Variants in ARHGEF28 observed in about 807,000 individuals in gnomAD.
ARHGEF28 encodes the protein Rho guanine nucleotide exchange factor 28.
In ARHGEF28, 152 loss-of-function variants were observed where a neutral mutation model predicts 206.6. That is an observed-to-expected ratio of 0.74 (90% CI 0.64 to 0.84). The LOEUF is 0.84. ARHGEF28 is among the 40% of genes least tolerant of loss of function. The pLI, the probability that ARHGEF28 is intolerant of heterozygous loss-of-function variation, is 0.00. For missense variants in ARHGEF28, 2,028 were observed against 2,073.2 expected (o/e 0.98, Z 0.42); for synonymous variants, 763 against 776.4 (o/e 0.98, Z 0.29).
chr5:73,796,975 C>T (rs1040538801), intron 9 of ARHGEF28, among the ~76,000 whole-genome samples: 2 of 152,288 alleles, frequency 1.3e-5, no homozygotes, highest in South Asian at 4.1e-4. Flanking sequence ...GTATTAAACA[C>T]TGAGACGATC....
intron 7 of ARHGEF28, among the ~76,000 whole-genome samples, chr5:73,786,021 A>G (rs535593089): frequency 9.4e-5 from 14 of 148,900 alleles, no homozygotes; most frequent in Non-Finnish European, 1.8e-4. Context: ...TTGACTGCCC[A>G]TCACTTTATA....
intron 2 of ARHGEF28, among the ~76,000 whole-genome samples, chr5:73,731,819 A>T (rs1390136248): frequency 6.6e-6 from 1 of 152,112 alleles, no homozygotes. Flanking sequence ...TTATTATGTA[A>T]ACAGTTATTT....
At chr5:73,761,944 C>G (rs1439145981) in intron 4 of ARHGEF28, among the ~76,000 whole-genome samples, 4 of 151,618 alleles carry the variant, frequency 2.6e-5, no homozygotes, top group Admixed American at 2.0e-4. Context: ...GATTCTCTTT[C>G]CTCATCCTCC....
chr5:73,760,930 A>T (rs572633966), intron 4 of ARHGEF28, among the ~76,000 whole-genome samples: 3 of 152,306 alleles, frequency 2.0e-5, no homozygotes, highest in Admixed American at 6.5e-5. Context: ...GTCTGGCAAC[A>T]ATGGCCCTTA....
rs1194518767 is a variant in ARHGEF28 at position 73,892,041 on chromosome 5, A to G, written c.3388-11A>G. ...TGCTGTTTCATCTGCTCACCTTCCT[A>G]TTTTATGTAGGATCAGAAGCCATCA... is the stretch of plus-strand genomic sequence containing the variant. On this transcript the variant is annotated splice_polypyrimidine_tract_variant and intron_variant, in intron 26 of 35. Coordinates refer to ENST00000513042, the MANE Select transcript of ARHGEF28 (RefSeq NM_001177693.2). The G allele has an allele frequency of 1.3e-6, 2 of 1,593,618 alleles. No individual in the cohort carries two copies. The highest frequency in any genetic ancestry group is 2.2e-5 in the East Asian group (1 of 44,518).
At chr5:73,721,776 T>C (rs1023267317) in intron 2 of ARHGEF28, among the ~76,000 whole-genome samples, 1 of 152,152 alleles carries the variant, frequency 6.6e-6, no homozygotes, top group African/African-American at 2.4e-5. Flanking sequence ...GCCCTAGAGG[T>C]TTTATTTATT....
In ARHGEF28 at chr5:73,774,012, C is replaced by T; in HGVS notation, c.633C>T (p.His211=). 6.2e-7 allele frequency: 1 copy of T among 1,600,446 alleles called. No individual in the cohort carries two copies. The highest frequency in any genetic ancestry group is 8.5e-7 in the Non-Finnish European group (1 of 1,173,438). ...TPLDLALREG[H]SKLVEDVTNF... ...TAGACTTAGCTTTACGTGAAGGACACTCCAAGCTGGTGGAAGACGTCACAA... is the reference window on the plus strand; with the variant it reads ...TAGACTTAGCTTTACGTGAAGGACATTCCAAGCTGGTGGAAGACGTCACAA... The change falls in exon 5 of 36, where the codon CAC becomes CAT. Residue 211 remains histidine (H), a synonymous_variant. Transcript: ENST00000513042.
intron 9 of ARHGEF28, among the ~76,000 whole-genome samples, chr5:73,825,549 G>T (rs367842994): frequency 6.6e-6 from 1 of 152,166 alleles, no homozygotes; most frequent in Non-Finnish European, 1.5e-5. Flanking sequence ...ATTGGAGAAC[G>T]TTGCAGAGGC....
chr5:73,629,213 C>A (rs962199312), intron 1 of ARHGEF28, among the ~76,000 whole-genome samples: 2 of 151,940 alleles, frequency 1.3e-5, no homozygotes, highest in Non-Finnish European at 2.9e-5. Context: ...ATTTGGCTGG[C>A]CAGGGTGGGG....
chr5:73,838,537 G>C (rs1219416401), intron 10 of ARHGEF28, among the ~76,000 whole-genome samples: 1 of 152,082 alleles, frequency 6.6e-6, no homozygotes. Flanking sequence ...AAACACATTT[G>C]TTTCATAATT....
In ARHGEF28 at chr5:73,748,824, G is replaced by A. The variant is rs140880059; in HGVS notation, c.34-1013G>A. On this transcript the variant is annotated intron_variant, in intron 2 of 35. Coordinates refer to ENST00000513042, the MANE Select transcript of ARHGEF28 (RefSeq NM_001177693.2). The stretch of plus-strand genomic sequence containing the variant: ...GCTCTCTCTCTGGAGGCCCCACTTT[G>A]TATTGCTTTTTGTGTTTTCGGTAGG... Among the ~76,000 whole-genome samples, 754 of 152,252 alleles carry A rather than the reference G, an allele frequency of 5.0e-3. 6 individuals carry two copies. Among genetic ancestry groups the A allele is most frequent in the African/African-American group, 0.017 (711 of 41,550 alleles).
chr5:73,695,848 C>T (rs1217685659), intron 2 of ARHGEF28, among the ~76,000 whole-genome samples: 5 of 152,154 alleles, frequency 3.3e-5, no homozygotes, highest in South Asian at 2.1e-4. Context: ...ACATTCATCT[C>T]GCAACTCGCA....
intron 2 of ARHGEF28, among the ~76,000 whole-genome samples, chr5:73,738,579 G>A (rs768202800): frequency 2.0e-5 from 3 of 150,730 alleles, no homozygotes; most frequent in Admixed American, 1.3e-4. Flanking sequence ...GAATATTCTC[G>A]CACGGATGCT....
chr5:73,857,852 A>G (rs1056439533), intron 15 of ARHGEF28, 73 bp downstream of exon 15: 1 of 1,498,898 alleles, frequency 6.7e-7, no homozygotes, highest in Non-Finnish European at 9.0e-7. Flanking sequence ...TATAATTTCC[A>G]CTTTCCCTTT....
intron 24 of ARHGEF28, among the ~76,000 whole-genome samples, chr5:73,884,275 G>C (rs1424480213): frequency 6.6e-6 from 1 of 152,140 alleles, no homozygotes; most frequent in Non-Finnish European, 1.5e-5. Context: ...CTGTTATTAA[G>C]TTGAGAGGGA....
intron 7 of ARHGEF28, among the ~76,000 whole-genome samples, chr5:73,792,642 CTTT>C (rs397943639): frequency 1.6e-5 from 2 of 122,038 alleles, no homozygotes; most frequent in African/African-American, 3.1e-5. Context: ...TCCTTCCCTT[CTTT>C]TTTTTTTTTT....
intron 12 of ARHGEF28, among the ~76,000 whole-genome samples, chr5:73,846,724 T>C (rs2112589136): frequency 6.6e-6 from 1 of 152,316 alleles, no homozygotes; most frequent in South Asian, 2.1e-4. Context: ...CCATCTTTCT[T>C]TCACATACTT....
intron 16 of ARHGEF28, among the ~76,000 whole-genome samples, chr5:73,859,945 T>C (rs1172474815): frequency 6.6e-6 from 1 of 152,232 alleles, no homozygotes; most frequent in African/African-American, 2.4e-5. Context: ...CCTCTGTGCA[T>C]ACTGCTTAAC....
intron 31 of ARHGEF28, chr5:73,902,511 A>G (rs900384865): frequency 4.6e-5 from 7 of 152,112 alleles, no homozygotes; most frequent in African/African-American, 1.7e-4. Context: ...TATCTGCAAA[A>G]TTTTTTGCTT....
Sources: allele counts gnomAD v4.1 joint callset (sites outside exome capture counted in the v4.1 genomes callset), GRCh38; gene constraint gnomAD v4.1.1; transcripts MANE v1.5; gene names NCBI Gene and HGNC (gene_info 2026-07-23, HGNC 2026-07-21).